Variants in TXNDC12 observed in about 807,000 individuals in gnomAD.
TXNDC12 encodes thioredoxin domain-containing protein 12.
In TXNDC12, 22 loss-of-function variants were observed where a neutral mutation model predicts 24.2. That is an observed-to-expected ratio of 0.91 (90% CI 0.65 to 1.30). The LOEUF is 1.30. Ranked by LOEUF, TXNDC12 falls within the 50% of genes most tolerant of loss-of-function variation. The pLI, the probability that TXNDC12 is intolerant of heterozygous loss-of-function variation, is 0.00. For missense variants in TXNDC12, 184 were observed against 205.8 expected (o/e 0.89, Z 0.65); for synonymous variants, 58 against 73.4 (o/e 0.79, Z 1.07).
intron 2 of TXNDC12, chr1:52,033,124 G>C (rs774092541): frequency 1.9e-6 from 3 of 1,614,026 alleles, no homozygotes; most frequent in Admixed American, 3.3e-5. Flanking sequence ...AAAGCGCAGC[G>C]TTAGGGCCTC....
At chr1:52,027,725 T>C (rs1160369706) in intron 3 of TXNDC12, among the ~76,000 whole-genome samples, 1 of 150,460 alleles carries the variant, frequency 6.6e-6, no homozygotes, top group Non-Finnish European at 1.5e-5. Context: ...CATATATGTA[T>C]GTGTGTATAT....
At chr1:52,032,405 C>T in intron 2 of TXNDC12, 1 of 1,158,274 alleles carries the variant, frequency 8.6e-7, no homozygotes, top group Non-Finnish European at 1.1e-6. Context: ...GGTCAATGCT[C>T]TGTGATAGCC....
At position 52,054,931 on chromosome 1, in the gene TXNDC12, G is replaced by A. The variant is rs116431767; in HGVS notation, c.97+69C>T. On this transcript the variant is annotated intron_variant, in intron 1 of 6. Coordinates refer to ENST00000371626, the MANE Select transcript of TXNDC12 (RefSeq NM_015913.4). ...AGAATGGGAGGGGAACGGTGCTAGG[G>A]CAAGAAGAGATTATACTGGGATCAG... is the stretch of plus-strand genomic sequence containing the variant. The A allele has an allele frequency of 3.0e-3, 3,731 of 1,236,896 alleles. 70 individuals carry two copies. The African/African-American group carries it at 0.047, about 16-fold the overall frequency. 76.6% of individuals were successfully genotyped at this position (1,236,896 alleles called of 1,614,324 possible). A position where few individuals can be genotyped will look rare whatever the true frequency, so the allele number is the denominator to read the frequency against.
At position 52,027,267 on chromosome 1, in the gene TXNDC12, A is replaced by G. The variant is rs372078488; in HGVS notation, c.285+8T>C. ...CATAGCAGAAAGGAGAAACTCTCAAAGTCTTACCTCAAGATTTACCATAAC... is the reference window on the plus strand; with the variant it reads ...CATAGCAGAAAGGAGAAACTCTCAAGGTCTTACCTCAAGATTTACCATAAC... On this transcript the variant is annotated splice_region_variant and intron_variant, in intron 4 of 6. Coordinates refer to ENST00000371626, the MANE Select transcript of TXNDC12 (RefSeq NM_015913.4). 87 of 1,599,060 alleles carry G rather than the reference A, an allele frequency of 5.4e-5. No individual in the cohort carries two copies. Among genetic ancestry groups the G allele is most frequent in the Non-Finnish European group, 7.2e-5 (84 of 1,168,002 alleles).
At chr1:52,026,936 G>A (rs1187934855) in intron 4 of TXNDC12, among the ~76,000 whole-genome samples, 3 of 151,850 alleles carry the variant, frequency 2.0e-5, no homozygotes, top group African/African-American at 4.8e-5. Context: ...CTCGGGAGGC[G>A]GAGGCAGGAG....
intron 5 of TXNDC12, 146 bp downstream of exon 5, chr1:52,024,364 T>C: frequency 1.6e-6 from 1 of 639,614 alleles, no homozygotes; most frequent in Non-Finnish European, 2.8e-6. Flanking sequence ...AGTTCTAGCA[T>C]TCAGAACTCC....
chr1:52,038,508 C>T (rs949846293), intron 2 of TXNDC12, among the ~76,000 whole-genome samples: 1 of 152,112 alleles, frequency 6.6e-6, no homozygotes, highest in Admixed American at 6.6e-5. Flanking sequence ...GACGGGGTTT[C>T]ACCATGTTGG....
chr1:52,029,934 C>T (rs1395961443), intron 2 of TXNDC12, among the ~76,000 whole-genome samples: 3 of 152,076 alleles, frequency 2.0e-5, no homozygotes, highest in East Asian at 3.8e-4. Flanking sequence ...ATGTGCTGAA[C>T]GTTTATTATA....
chr1:52,031,806 C>A (rs1055437579), intron 2 of TXNDC12, among the ~76,000 whole-genome samples: 6 of 152,322 alleles, frequency 3.9e-5, no homozygotes, highest in Middle Eastern at 3.4e-3. Context: ...AGAGCAAAAA[C>A]ACTGTATCTA....
intron 6 of TXNDC12, among the ~76,000 whole-genome samples, chr1:52,022,636 T>C (rs1031432931): frequency 1.7e-5 from 2 of 118,312 alleles, no homozygotes; most frequent in Non-Finnish European, 3.5e-5. Flanking sequence ...GTTTTTTTGG[T>C]TTTTTTTTTT....
At position 52,033,265 on chromosome 1, in the gene TXNDC12, G is replaced by A; in HGVS notation, c.159-4635C>T. ...CAGTTCCTTGGGTACGTCGGCCTGG[G>A]CACTTCCATTTACTACAGAGTCCGC... On this transcript the variant is annotated intron_variant, in intron 2 of 6. Coordinates refer to ENST00000371626, the MANE Select transcript of TXNDC12 (RefSeq NM_015913.4). The A allele has an allele frequency of 6.2e-7, 1 of 1,613,962 alleles. No homozygotes were observed. The highest frequency in any genetic ancestry group is 8.5e-7 in the Non-Finnish European group (1 of 1,179,954).
In TXNDC12 at chr1:52,055,016, A is replaced by AT; in HGVS notation, c.80dup (p.His27GlnfsTer2). On this transcript the variant is annotated frameshift_variant, in exon 1 of 7. Coordinates refer to ENST00000371626, the MANE Select transcript of TXNDC12 (RefSeq NM_015913.4). LOFTEE classifies it high-confidence loss of function. ...CGGTCTGACCCTTTCCAAGCCCATT[A>AT]TGTCCATCAGAAGAGATGACGAGGA... is the stretch of plus-strand genomic sequence containing the variant. 1 of 1,613,896 alleles carries AT rather than the reference A, an allele frequency of 6.2e-7. No homozygotes were observed. Among genetic ancestry groups the AT allele is most frequent in the Non-Finnish European group, 8.5e-7 (1 of 1,179,796 alleles).
rs1037801282 is a variant in TXNDC12 at position 52,020,839 on chromosome 1, C to G, written c.*94G>C. 1.1e-5 allele frequency: 12 copies of G among 1,052,540 alleles called. No individual in the cohort carries two copies. Among genetic ancestry groups the G allele is most frequent in the African/African-American group, 3.2e-5 (2 of 63,270 alleles). 65.2% of individuals were successfully genotyped at this position (1,052,540 alleles called of 1,614,324 possible). A position where few individuals can be genotyped will look rare whatever the true frequency, so the allele number is the denominator to read the frequency against. On this transcript the variant is annotated 3_prime_UTR_variant, in exon 7 of 7. Transcript: ENST00000371626. ...GTAGGTAGGAATGAGGTTTCCTGGT[C>G]GGCTTAATTGTTCTAGATGATTCCT...
intron 2 of TXNDC12, among the ~76,000 whole-genome samples, chr1:52,038,414 G>A (rs1447309137): frequency 6.6e-6 from 1 of 151,470 alleles, no homozygotes; most frequent in Admixed American, 6.6e-5. Context: ...AGGCTCAAGC[G>A]ATTCTCCTGC....
chr1:52,026,137 CA>C (rs1412690565), intron 4 of TXNDC12, among the ~76,000 whole-genome samples: 2 of 152,032 alleles, frequency 1.3e-5, no homozygotes, highest in Admixed American at 1.3e-4. Flanking sequence ...CCCAAGTAAA[CA>C]TTATTTTTAC....
At chr1:52,024,221 GAC>G in intron 5 of TXNDC12, among the ~76,000 whole-genome samples, 1 of 152,164 alleles carries the variant, frequency 6.6e-6, no homozygotes, top group South Asian at 2.1e-4. Context: ...TCTCAAATTG[GAC>G]TCAAGCAATT....
chr1:52,028,515 G>T, intron 3 of TXNDC12, 63 bp downstream of exon 3: 1 of 1,357,474 alleles, frequency 7.4e-7, no homozygotes. Flanking sequence ...GCCAATATTT[G>T]TTAAATGTTA....
At chr1:52,028,218 G>A (rs1158971228) in intron 3 of TXNDC12, among the ~76,000 whole-genome samples, 2 of 152,062 alleles carry the variant, frequency 1.3e-5, no homozygotes, top group East Asian at 3.8e-4. Flanking sequence ...GTGGCAAGGT[G>A]GTATAGCAGA....
At chr1:52,053,321 C>G (rs10493162) in intron 1 of TXNDC12, among the ~76,000 whole-genome samples, 3,681 of 152,026 alleles carry the variant, frequency 0.024, 75 homozygotes, top group Non-Finnish European at 0.036. Context: ...TCTAAACCCA[C>G]GTACCCAACA....
Sources: gnomAD v4.1 joint callset for allele counts (sites outside exome capture counted in the v4.1 genomes callset) on GRCh38, gnomAD v4.1.1 for gene constraint, MANE v1.5 for transcripts, NCBI Gene and HGNC (gene_info 2026-07-23, HGNC 2026-07-21) for gene names.